The following MINAR1 variants were observed in gnomAD, a reference collection of about 807,000 sequenced individuals.
MINAR1 encodes major intrinsically disordered Notch2-binding receptor 1.
In MINAR1, 40 loss-of-function variants were observed where a neutral mutation model predicts 65.1. That is an observed-to-expected ratio of 0.61 (90% confidence interval 0.48 to 0.80). MINAR1 has a LOEUF of 0.80. Ranked by LOEUF, MINAR1 falls within the 30% of genes least tolerant of loss-of-function variation. MINAR1 has a pLI of 0.00. For missense variants in MINAR1, 1,128 were observed against 1,148.0 expected (o/e 0.98, Z 0.25); for synonymous variants, 482 against 449.1 (o/e 1.07, Z -0.93).
intron 1 of MINAR1, among the ~76,000 whole-genome samples, chr15:79,453,812 A>C (rs1895320703): frequency 6.6e-6 from 1 of 152,192 alleles, no homozygotes; most frequent in Non-Finnish European, 1.5e-5. Flanking sequence ...TTTTCCAAAT[A>C]GGGTTTTTGA....
At chr15:79,425,423 A>G in the MINAR1 span, 1 of 152,166 alleles carries the variant, frequency 6.6e-6, no homozygotes, top group African/African-American at 2.4e-5. Context: ...GTAATGCCCA[A>G]AATATATTGA....
chr15:79,461,014 G>C lies in MINAR1; in HGVS notation c.2299-2053G>C, dbSNP rs555862414. Among the ~76,000 whole-genome samples, 5 of 152,226 alleles carry C rather than the reference G, an allele frequency of 3.3e-5. No individual in the cohort carries two copies. In the East Asian group the frequency reaches 9.7e-4, roughly 29 times the overall value. ...GTACTGATCTAAGTCCTATGCTCCC[G>C]TCAAGGCCCCTTACTTCATAAGTCT... is the stretch of plus-strand genomic sequence containing the variant. On this transcript the variant is annotated intron_variant, in intron 2 of 3. Transcript: ENST00000305428.
At chr15:79,421,304 C>T in the MINAR1 span, 1 of 152,302 alleles carries the variant, frequency 6.6e-6, no homozygotes, top group Non-Finnish European at 1.5e-5. Context: ...TGGGTCAGCA[C>T]CAGCCTAGGA....
At chr15:79,449,513 A>G (rs917781516) in intron 1 of MINAR1, among the ~76,000 whole-genome samples, 1 of 152,146 alleles carries the variant, frequency 6.6e-6, no homozygotes. Flanking sequence ...TTCACATAAC[A>G]AAAGGGCAAA....
rs942242072 is a variant in MINAR1 at position 79,468,945 on chromosome 15, C to T, written c.*561C>T. ...CATTCTTGCCCTTTTGTCATCAACACGACAGAGTGTCTGCATCACTGCAGA... is the reference window on the plus strand; with the variant it reads ...CATTCTTGCCCTTTTGTCATCAACATGACAGAGTGTCTGCATCACTGCAGA... On this transcript the variant is annotated 3_prime_UTR_variant, in exon 4 of 4. Transcript: ENST00000305428. 5 of 160,402 alleles carry T rather than the reference C, an allele frequency of 3.1e-5. No homozygotes were observed. The highest frequency in any genetic ancestry group is 1.8e-4 in the East Asian group (1 of 5,454). The allele number at this position is 160,402 out of a possible 1,614,324, so 9.9% of individuals were successfully genotyped here.
intron 3 of MINAR1, among the ~76,000 whole-genome samples, chr15:79,464,378 A>G (rs974890070): frequency 6.6e-6 from 1 of 152,208 alleles, no homozygotes; most frequent in Non-Finnish European, 1.5e-5. Context: ...TCAACTTTGC[A>G]TGGTGCTTTT....
In MINAR1 at chr15:79,456,772, T is replaced by C. The variant is rs201828671; in HGVS notation, c.625T>C (p.Cys209Arg). The C allele has an allele frequency of 7.0e-5, 113 of 1,614,202 alleles. No homozygotes were observed. Among genetic ancestry groups the C allele is most frequent in the Non-Finnish European group, 9.2e-5 (109 of 1,180,034 alleles). Residue 209 changes from cysteine (C) to arginine (R), a missense_variant, in exon 2 of 4, where the codon TGT becomes CGT. Transcript: ENST00000305428. Reference protein sequence around the residue: ...APYSVTSPQPCEMQRTYFPMN... With the variant: ...APYSVTSPQPREMQRTYFPMN... ...GTACTCTGTGACCAGCCCTCAGCCC[T>C]GTGAGATGCAGAGGACCTACTTCCC... is the stretch of plus-strand genomic sequence containing the variant.
chr15:79,462,600 A>AAACTC (rs1319565033), intron 2 of MINAR1, among the ~76,000 whole-genome samples: 2 of 152,078 alleles, frequency 1.3e-5, no homozygotes, highest in Non-Finnish European at 2.9e-5. Context: ...GAGTTCCTTG[A>AAACTC]GGAAAGGACC....
rs187750480 is a variant in MINAR1, at chr15:79,451,124, C to T, written c.-50-4974C>T. On this transcript the variant is annotated intron_variant, in intron 1 of 3. Transcript: ENST00000305428. ...AATGCCTTTCACAAACCTCATCCCT[C>T]CGACTTATTAAATGGGGCTTCTTGG... Among the ~76,000 whole-genome samples, 252 of 152,262 alleles carry T rather than the reference C, an allele frequency of 1.7e-3. 2 individuals are homozygous for T. The highest frequency in any genetic ancestry group is 5.9e-3 in the African/African-American group (244 of 41,546).
chr15:79,442,246 GGCAAGAAGTGGGGCTAACCT>G (rs1894891148), intron 1 of MINAR1, among the ~76,000 whole-genome samples: 1 of 151,882 alleles, frequency 6.6e-6, no homozygotes, highest in South Asian at 2.1e-4. Flanking sequence ...TTTTGTCAAT[GGCAAGAAGTGGGGCTAACCT>G]TTTACCAGTT....
At chr15:79,451,188 T>C (rs873584) in intron 1 of MINAR1, among the ~76,000 whole-genome samples, 40,044 of 152,074 alleles carry the variant, frequency 0.26, 6,173 homozygotes, top group East Asian at 0.55. Flanking sequence ...AAATTTGGGG[T>C]GGCTTTTAAA....
chr15:79,428,045 C>T (rs1055088014), upstream of MINAR1, among the ~76,000 whole-genome samples: 3 of 152,174 alleles, frequency 2.0e-5, no homozygotes, highest in East Asian at 5.8e-4. Flanking sequence ...GATTACAGCT[C>T]AGCCTTTCAG....
rs750818912 is a variant in MINAR1, at chr15:79,463,168, C to G, written c.2400C>G (p.Ala800=). ...TGTTCAGCCCTCACCCCTACCCTGCCTCCCTCAAGGCCCACATGAAGAGCA... is the reference window on the plus strand; with the variant it reads ...TGTTCAGCCCTCACCCCTACCCTGCGTCCCTCAAGGCCCACATGAAGAGCA... ...EQVFSPHPYP[A]SLKAHMKSNP... Residue 800 remains alanine (A), a synonymous_variant, in exon 3 of 4, where the codon GCC becomes GCG. Coordinates refer to ENST00000305428, the MANE Select transcript of MINAR1 (RefSeq NM_015206.3). 2 of 1,614,238 alleles carry G rather than the reference C, an allele frequency of 1.2e-6. No individual in the cohort carries two copies. The highest frequency in any genetic ancestry group is 1.7e-6 in the Non-Finnish European group (2 of 1,180,048).
chr15:79,444,937 A>G (rs1226576892), intron 1 of MINAR1, among the ~76,000 whole-genome samples: 5 of 152,190 alleles, frequency 3.3e-5, no homozygotes, highest in African/African-American at 1.2e-4. Context: ...TATCAAATGT[A>G]TTATTTTCTT....
Position 79,443,995 on chromosome 15 carries a change from G to C in MINAR1, c.-51+11455G>C, listed in dbSNP as rs566479805. The stretch of plus-strand genomic sequence containing the variant: ...TAAAACTTCCAAAAAGTTGTCTATT[G>C]AATTTGTGGCTCTATCCCTGTTTTC... On this transcript the variant is annotated intron_variant, in intron 1 of 3. Transcript: ENST00000305428. 7.7e-4 allele frequency among the ~76,000 whole-genome samples: 117 copies of C among 152,250 alleles called. 1 individual carries two copies. The highest frequency in any genetic ancestry group is 2.7e-3 in the African/African-American group (112 of 41,546).
chr15:79,441,294 G>T (rs2141280571), intron 1 of MINAR1, among the ~76,000 whole-genome samples: 1 of 152,138 alleles, frequency 6.6e-6, no homozygotes, highest in South Asian at 2.1e-4. Context: ...CAAAGAGTGA[G>T]TGTCTGTATA....
chr15:79,413,702 A>G, the MINAR1 span: 3 of 152,290 alleles, frequency 2.0e-5, no homozygotes, highest in Admixed American at 6.5e-5. Flanking sequence ...GAACTTTACA[A>G]TCTAGTTAGA....
the MINAR1 span, chr15:79,422,620 A>T: frequency 2.0e-5 from 3 of 152,078 alleles, no homozygotes; most frequent in Non-Finnish European, 1.5e-5. Flanking sequence ...GATCAGAAAG[A>T]GAGGAATGGA....
rs897814528 is a variant in MINAR1 at position 79,463,425 on chromosome 15, C to T, written c.2553+104C>T. The T allele has an allele frequency of 5.3e-6, 7 of 1,315,456 alleles. No homozygotes were observed. The African/African-American group carries it at 8.8e-5, about 16-fold the overall frequency. The allele number at this position is 1,315,456 out of a possible 1,614,324, so 81.5% of individuals were successfully genotyped here. ...TAGACCGGCCAGCCCACTTCCACAC[C>T]CTTCAACTCCCTGGGCCCCCAACAT... On this transcript the variant is annotated intron_variant, in intron 3 of 3. Coordinates refer to ENST00000305428, the MANE Select transcript of MINAR1 (RefSeq NM_015206.3).
Sources: gnomAD v4.1 joint callset for allele counts (sites outside exome capture counted in the v4.1 genomes callset) on GRCh38, gnomAD v4.1.1 for gene constraint, MANE v1.5 for transcripts, NCBI Gene and HGNC (gene_info 2026-07-23, HGNC 2026-07-21) for gene names.